The following PDE4D variants were observed in gnomAD, a reference collection of about 807,000 sequenced individuals.
PDE4D encodes the protein phosphodiesterase 4D, also known as 3',5'-cyclic-AMP phosphodiesterase 4D.
PDE4D carries 24 observed loss-of-function variants against 87.4 expected under a neutral mutation model. That is an observed-to-expected ratio of 0.27 (90% CI 0.20 to 0.39). The LOEUF (loss-of-function observed/expected upper bound fraction) is 0.39, where lower values mean the gene tolerates loss of function less well. Among genes scored for constraint, PDE4D ranks in the 10% least tolerant of loss-of-function variants. The pLI is 1.00. For missense variants in PDE4D, 714 were observed against 1,041.0 expected, an observed-to-expected ratio of 0.69 and a Z score of 4.32; for synonymous variants, 384 against 383.2, an observed-to-expected ratio of 1.00 and a Z score of -0.02.
At chr5:59,981,181 G>A (rs867226847) in intron 3 of PDE4D, among the ~76,000 whole-genome samples, 8 of 152,110 alleles carry the variant, frequency 5.3e-5, no homozygotes, top group Middle Eastern at 3.2e-3. Flanking sequence ...GAACCTGGGG[G>A]GCGGAGGTTG....
intron 2 of PDE4D, among the ~76,000 whole-genome samples, chr5:60,049,513 T>C (rs1000324284): frequency 1.3e-5 from 2 of 152,244 alleles, no homozygotes; most frequent in African/African-American, 4.8e-5. Context: ...ACTATTGGTC[T>C]TTGATGATGG....
chr5:59,771,961 T>A (rs1763631383), intron 1 of PDE4D, among the ~76,000 whole-genome samples: 1 of 152,216 alleles, frequency 6.6e-6, no homozygotes, highest in Non-Finnish European at 1.5e-5. Flanking sequence ...ATTATTATTA[T>A]TGATTCAATT....
At chr5:59,194,910 A>G (rs1745119005) in intron 2 of PDE4D, among the ~76,000 whole-genome samples, 1 of 152,150 alleles carries the variant, frequency 6.6e-6, no homozygotes, top group African/African-American at 2.4e-5. Context: ...GGCCTGTGAG[A>G]AGTAATTAGG....
chr5:59,623,078 T>C (rs1561346655), intron 1 of PDE4D, among the ~76,000 whole-genome samples: 1 of 152,196 alleles, frequency 6.6e-6, no homozygotes, highest in Non-Finnish European at 1.5e-5. Context: ...CCTTATTAAA[T>C]GAGCACATCA....
At chr5:59,927,134 T>C (rs1254171653) in intron 3 of PDE4D, among the ~76,000 whole-genome samples, 2 of 152,226 alleles carry the variant, frequency 1.3e-5, no homozygotes, top group African/African-American at 2.4e-5. Flanking sequence ...ATTTGAGTGT[T>C]TGAGCTGCAG....
At chr5:59,705,016 TACAAG>T (rs919998271) in intron 1 of PDE4D, among the ~76,000 whole-genome samples, 7 of 152,202 alleles carry the variant, frequency 4.6e-5, no homozygotes, top group Non-Finnish European at 8.8e-5. Context: ...AGGCAGATTT[TACAAG>T]ACAACTATCA....
intron 1 of PDE4D, among the ~76,000 whole-genome samples, chr5:60,214,686 C>G (rs901341556): frequency 2.6e-5 from 4 of 152,120 alleles, no homozygotes; most frequent in African/African-American, 9.7e-5. Flanking sequence ...AACCATGGTG[C>G]ATGGTCCTTC....
At chr5:59,278,915 A>G (rs1232685438) in intron 1 of PDE4D, among the ~76,000 whole-genome samples, 6 of 152,104 alleles carry the variant, frequency 3.9e-5, no homozygotes. Flanking sequence ...CCTTTCTCTT[A>G]TCATCCAATG....
chr5:59,338,065 T>C (rs12055306), intron 1 of PDE4D, among the ~76,000 whole-genome samples: 17,045 of 152,258 alleles, frequency 0.11, 1,166 homozygotes, highest in East Asian at 0.32. Context: ...CATGGTTTTA[T>C]GTAAATGTCA....
chr5:60,432,098 A>G (rs1388801530), intron 1 of PDE4D, among the ~76,000 whole-genome samples: 1 of 151,518 alleles, frequency 6.6e-6, no homozygotes, highest in Non-Finnish European at 1.5e-5. Flanking sequence ...GGAGAAGGAG[A>G]GGGAGAGGGA....
chr5:60,198,860 T>C (rs1190814741), intron 1 of PDE4D, among the ~76,000 whole-genome samples: 2 of 151,614 alleles, frequency 1.3e-5, no homozygotes, highest in Non-Finnish European at 3.0e-5. Context: ...AGATCTGGAT[T>C]TTACTAACCC....
At chr5:60,086,221 T>C (rs1303378925) in intron 2 of PDE4D, among the ~76,000 whole-genome samples, 1 of 152,214 alleles carries the variant, frequency 6.6e-6, no homozygotes, top group Admixed American at 6.5e-5. Flanking sequence ...GTTGAGCTTT[T>C]CAAATACTTT....
At chr5:59,182,642 G>A (rs1169802884) in intron 4 of PDE4D, among the ~76,000 whole-genome samples, 1 of 151,976 alleles carries the variant, frequency 6.6e-6, no homozygotes, top group Admixed American at 6.6e-5. Context: ...AAACCAAATG[G>A]TTGACTCAAT....
intron 1 of PDE4D, among the ~76,000 whole-genome samples, chr5:60,323,016 A>G (rs1756455993): frequency 6.6e-6 from 1 of 152,198 alleles, no homozygotes; most frequent in Non-Finnish European, 1.5e-5. Flanking sequence ...TCTTTGTGAT[A>G]TTCTTCCATC....
intron 1 of PDE4D, among the ~76,000 whole-genome samples, chr5:60,426,125 G>A (rs186847334): frequency 3.0e-4 from 46 of 152,292 alleles, no homozygotes; most frequent in South Asian, 2.5e-3. Flanking sequence ...ACAGTGTGGC[G>A]TTTCCTCAAG....
chr5:59,575,174 T>C (rs1197053050), intron 1 of PDE4D, among the ~76,000 whole-genome samples: 1 of 152,156 alleles, frequency 6.6e-6, no homozygotes, highest in Non-Finnish European at 1.5e-5. Context: ...ATTAGGGAGA[T>C]GATTTTTAGA....
rs546986164 is a variant in PDE4D at position 59,316,363 on chromosome 5, T to C, written c.456-100395A>G. Among the ~76,000 whole-genome samples the C allele has an allele frequency of 1.3e-3, 191 of 152,266 alleles. 1 individual carries two copies. The highest frequency in any genetic ancestry group is 3.4e-3 in the Middle Eastern group (1 of 294). Reference sequence around the variant, plus strand: ...CCTGGGTTCCTTTAGTCTTTGAACATAGAACTTTTTTTTTAATGTTACATT... The same window carrying C: ...CCTGGGTTCCTTTAGTCTTTGAACACAGAACTTTTTTTTTAATGTTACATT... On this transcript the variant is annotated intron_variant, in intron 1 of 14. Transcript: ENST00000340635.
chr5:59,219,673 A>T (rs1402211569), intron 1 of PDE4D, among the ~76,000 whole-genome samples: 2 of 152,188 alleles, frequency 1.3e-5, no homozygotes, highest in African/African-American at 4.8e-5. Context: ...TAGAACATCA[A>T]GCAACCAGAG....
intron 1 of PDE4D, among the ~76,000 whole-genome samples, chr5:59,445,434 G>T (rs562440104): frequency 1.3e-4 from 20 of 152,120 alleles, no homozygotes; most frequent in Non-Finnish European, 2.1e-4. Flanking sequence ...CATTTATATG[G>T]TATTAAATTG....
Sources: gnomAD v4.1 joint callset for allele counts (sites outside exome capture counted in the v4.1 genomes callset) on GRCh38, gnomAD v4.1.1 for gene constraint, MANE v1.5 for transcripts, NCBI Gene and HGNC (gene_info 2026-07-23, HGNC 2026-07-21) for gene names.